Variants in ITGA11 observed in about 807,000 individuals in gnomAD.
ITGA11 encodes integrin alpha-11.
Under a neutral mutation model 141.9 loss-of-function variants are expected in ITGA11, and 97 were observed. The ratio of observed to expected loss-of-function variants is 0.68; its 90% CI spans 0.58 to 0.81. The LOEUF is 0.81. ITGA11 is among the 30% of genes least tolerant of loss of function. The pLI is 0.00. For missense variants in ITGA11, 1,387 were observed against 1,559.2 expected (o/e 0.89, Z 1.86); for synonymous variants, 658 against 624.6 (o/e 1.05, Z -0.80).
At chr15:68,317,408 T>C (rs777374833) in intron 20 of ITGA11, 45 bp from the exon 21 acceptor site, 6 of 1,356,326 alleles carry the variant, frequency 4.4e-6, no homozygotes, top group Non-Finnish European at 6.3e-6. Flanking sequence ...AGGTGGGGCC[T>C]GGGACCAGGT....
chr15:68,328,045 CA>C lies in ITGA11; in HGVS notation c.2068+50del. Reference sequence around the variant, plus strand: ...CCAGGCTTTGAAATAGAGCAAGGTGCAGGGGGAGACTGGAGTCTGGGGGTGG... The same window carrying C: ...CCAGGCTTTGAAATAGAGCAAGGTGCGGGGGAGACTGGAGTCTGGGGGTGG... On this transcript the variant is annotated intron_variant, in intron 16 of 29. Transcript: ENST00000315757. The surrounding 1 kb of genome is among the most constrained non-coding windows in gnomAD (Gnocchi z 4.8). 6.5e-7 allele frequency: 1 copy of C among 1,548,294 alleles called. No individual in the cohort carries two copies. Among genetic ancestry groups the C allele is most frequent in the Non-Finnish European group, 8.8e-7 (1 of 1,140,268 alleles).
intron 6 of ITGA11, 51 bp from the exon 7 acceptor site, chr15:68,357,350 G>T: frequency 6.4e-7 from 1 of 1,574,586 alleles, no homozygotes; most frequent in South Asian, 1.2e-5. Flanking sequence ...ATGAACCCAT[G>T]AACCTTAGAA....
At position 68,335,187 on chromosome 15, in the gene ITGA11, G is replaced by T. The variant is rs1894307486; in HGVS notation, c.1425+510C>A. Among the ~76,000 whole-genome samples the T allele has an allele frequency of 6.6e-6, 1 of 152,098 alleles. No individual in the cohort carries two copies. Among genetic ancestry groups the T allele is most frequent in the South Asian group, 2.1e-4 (1 of 4,820 alleles). On this transcript the variant is annotated intron_variant, in intron 12 of 29. Coordinates refer to ENST00000315757, the MANE Select transcript of ITGA11 (RefSeq NM_001004439.2). This position sits in a 1 kb window ranked among gnomAD's most constrained non-coding sequence, Gnocchi z 4.9. ...TGATTTTGGGGTTATTTGGGGTCAG[G>T]AGGTGGCATGATGCAGGCAGCCCCA... is the stretch of plus-strand genomic sequence containing the variant.
intron 14 of ITGA11, 129 bp from the exon 15 acceptor site, chr15:68,331,240 C>T: frequency 1.3e-6 from 1 of 759,732 alleles, no homozygotes; most frequent in Non-Finnish European, 2.1e-6. Flanking sequence ...TTCCCCAACC[C>T]AAAGCAATCT....
At chr15:68,349,888 C>T (rs1041316753) in intron 9 of ITGA11, among the ~76,000 whole-genome samples, 5 of 152,164 alleles carry the variant, frequency 3.3e-5, no homozygotes, top group African/African-American at 4.8e-5. Flanking sequence ...TAGGCACAAG[C>T]TAGGGTTGCC....
At position 68,321,678 on chromosome 15, in the gene ITGA11, C is replaced by A. The variant is rs1037850333; in HGVS notation, c.2323-175G>T. On this transcript the variant is annotated intron_variant, in intron 18 of 29. Coordinates refer to ENST00000315757, the MANE Select transcript of ITGA11 (RefSeq NM_001004439.2). The surrounding 1 kb of genome is among the most constrained non-coding windows in gnomAD (Gnocchi z 4.9). ...TCCATAGATGCTTCCCTCTTTAAAA[C>A]GATGCTCAAAGCTCAGCTCCTCCTG... Among the ~76,000 whole-genome samples the A allele has an allele frequency of 3.3e-5, 5 of 152,294 alleles. No homozygotes were observed. The highest frequency in any genetic ancestry group is 7.4e-5 in the Non-Finnish European group (5 of 68,020).
Position 68,303,999 on chromosome 15 carries a change from C to G in ITGA11, c.3382-114G>C. Reference sequence around the variant, plus strand: ...GCACCTGGTGGGGGAGCTGCATCCTCTTCCTCAGGGGGATACCAGAGGGAT... The same window carrying G: ...GCACCTGGTGGGGGAGCTGCATCCTGTTCCTCAGGGGGATACCAGAGGGAT... On this transcript the variant is annotated intron_variant, in intron 28 of 29. Coordinates refer to ENST00000315757, the MANE Select transcript of ITGA11 (RefSeq NM_001004439.2). This position sits in a 1 kb window ranked among gnomAD's most constrained non-coding sequence, Gnocchi z 5.3. 1 of 650,404 alleles carries G rather than the reference C, an allele frequency of 1.5e-6. No homozygotes were observed. Among genetic ancestry groups the G allele is most frequent in the South Asian group, 1.8e-5 (1 of 54,802 alleles). The allele number at this position is 650,404 out of a possible 1,614,324, so 40.3% of individuals were successfully genotyped here.
At chr15:68,406,033 A>G (rs1896644560) in intron 1 of ITGA11, among the ~76,000 whole-genome samples, 1 of 152,112 alleles carries the variant, frequency 6.6e-6, no homozygotes, top group Non-Finnish European at 1.5e-5. Flanking sequence ...CTGACCCAGC[A>G]GGAAAAGGAA....
intron 3 of ITGA11, 54 bp downstream of exon 3, chr15:68,369,130 C>T: frequency 7.6e-7 from 1 of 1,312,284 alleles, no homozygotes; most frequent in African/African-American, 1.4e-5. Context: ...CAGAGCCTGC[C>T]TTGTGTTAGA....
chr15:68,367,829 G>C (rs139754326), intron 3 of ITGA11, among the ~76,000 whole-genome samples: 2 of 152,198 alleles, frequency 1.3e-5, no homozygotes, highest in African/African-American at 2.4e-5. Context: ...TGTGAACTCC[G>C]CATGGACACA....
At chr15:68,320,113 C>CA in intron 20 of ITGA11, 72 bp downstream of exon 20, 1 of 1,337,858 alleles carries the variant, frequency 7.5e-7, no homozygotes, top group Non-Finnish European at 1.1e-6. Context: ...AACATGTAGC[C>CA]AGGAGCCCAC....
intron 1 of ITGA11, among the ~76,000 whole-genome samples, chr15:68,413,876 G>A (rs1896831591): frequency 6.6e-6 from 1 of 152,192 alleles, no homozygotes; most frequent in Admixed American, 6.5e-5. Flanking sequence ...AGGCAAAAAC[G>A]ATAATATTTT....
At chr15:68,405,722 A>G (rs1359520895) in intron 1 of ITGA11, among the ~76,000 whole-genome samples, 1 of 144,788 alleles carries the variant, frequency 6.9e-6, no homozygotes, top group African/African-American at 2.5e-5. Context: ...GTGCAATGTC[A>G]CAGAGGAGAG....
chr15:68,431,136 G>A (rs1897260056), intron 1 of ITGA11, among the ~76,000 whole-genome samples: 1 of 152,228 alleles, frequency 6.6e-6, no homozygotes, highest in African/African-American at 2.4e-5. Flanking sequence ...GTGGAGCCGG[G>A]GAGCCCGGTG....
At chr15:68,362,445 G>A (rs1346626269) in intron 4 of ITGA11, among the ~76,000 whole-genome samples, 3 of 152,210 alleles carry the variant, frequency 2.0e-5, no homozygotes, top group Non-Finnish European at 2.9e-5. Flanking sequence ...AGATCTTAAA[G>A]GTTATGTTTT....
intron 22 of ITGA11, 137 bp from the exon 23 acceptor site, chr15:68,314,005 C>T (rs983257835): frequency 4.1e-5 from 27 of 656,058 alleles, no homozygotes; most frequent in Middle Eastern, 2.5e-4. Context: ...AGACAGGGAA[C>T]CTGAGGCATC....
chr15:68,384,397 C>G (rs757997766), intron 2 of ITGA11, among the ~76,000 whole-genome samples: 1 of 152,122 alleles, frequency 6.6e-6, no homozygotes, highest in African/African-American at 2.4e-5. Flanking sequence ...AGACTTCGCT[C>G]TTGGTTCTGG....
intron 20 of ITGA11, among the ~76,000 whole-genome samples, chr15:68,317,573 T>A (rs1346692859): frequency 6.6e-6 from 1 of 152,054 alleles, no homozygotes; most frequent in Non-Finnish European, 1.5e-5. Context: ...GTACTTGGCA[T>A]GACACGGGGC....
chr15:68,375,746 A>G (rs752566147), intron 2 of ITGA11, among the ~76,000 whole-genome samples: 7 of 152,220 alleles, frequency 4.6e-5, no homozygotes, highest in Non-Finnish European at 8.8e-5. Flanking sequence ...AAACAGGGAC[A>G]TATACATGAT....
Sources: gnomAD v4.1 joint callset for allele counts (sites outside exome capture counted in the v4.1 genomes callset) on GRCh38, gnomAD v4.1.1 for gene constraint, Gnocchi (gnomAD v3.1) non-coding constraint, MANE v1.5 for transcripts, NCBI Gene and HGNC (gene_info 2026-07-23, HGNC 2026-07-21) for gene names.